RNF150: variants seen among roughly 807,000 people sequenced by gnomAD.
The protein encoded by RNF150 is ring finger protein 150.
A neutral mutation model predicts 39.3 loss-of-function variants in RNF150; 24 were observed. The ratio of observed to expected loss-of-function variants is 0.61; its 90% CI spans 0.44 to 0.86. RNF150 has a LOEUF of 0.86. Among genes scored for constraint, RNF150 ranks in the 40% least tolerant of loss-of-function variants. The pLI, the probability that RNF150 is intolerant of heterozygous loss-of-function variation, is 0.00. For synonymous variants in RNF150, 255 were observed against 227.3 expected, an observed-to-expected ratio of 1.12 and a Z score of -1.10; for missense variants, 502 against 587.8, an observed-to-expected ratio of 0.85 and a Z score of 1.51.
chr4:141,157,311 C>G (rs541767046), intron 1 of RNF150, among the ~76,000 whole-genome samples: 1 of 152,100 alleles, frequency 6.6e-6, no homozygotes. Context: ...ACTGCTGCAC[C>G]GAAGAAGATG....
At chr4:141,156,238 A>C (rs1348689218) in intron 1 of RNF150, among the ~76,000 whole-genome samples, 2 of 152,110 alleles carry the variant, frequency 1.3e-5, no homozygotes, top group East Asian at 3.9e-4. Context: ...TTTATTTCTC[A>C]TGTCTAAATT....
intron 1 of RNF150, among the ~76,000 whole-genome samples, chr4:141,086,027 TACACACACACACACACACACACACAC>T (rs10527153): frequency 5.0e-5 from 7 of 140,010 alleles, no homozygotes; most frequent in Non-Finnish European, 1.1e-4. Flanking sequence ...TGAGAAGAGT[TACACACACACACACACACACACACAC>T]ACACACACAC....
intron 1 of RNF150, among the ~76,000 whole-genome samples, chr4:141,063,838 T>C (rs1368346786): frequency 6.6e-6 from 1 of 152,170 alleles, no homozygotes; most frequent in East Asian, 1.9e-4. Context: ...GCAGGTTATG[T>C]GTGTGTTGGT....
intron 1 of RNF150, among the ~76,000 whole-genome samples, chr4:140,992,612 T>C (rs1455948230): frequency 6.6e-6 from 1 of 152,042 alleles, no homozygotes; most frequent in Non-Finnish European, 1.5e-5. Flanking sequence ...TCCTCTACCT[T>C]TAACCCTCAG....
At chr4:140,883,322 C>T (rs904579000) in intron 6 of RNF150, among the ~76,000 whole-genome samples, 3 of 152,072 alleles carry the variant, frequency 2.0e-5, no homozygotes, top group African/African-American at 7.2e-5. Context: ...TATGCACCAC[C>T]CTATCACAGT....
chr4:141,029,407 G>A (rs1050383002), intron 1 of RNF150, among the ~76,000 whole-genome samples: 34 of 152,248 alleles, frequency 2.2e-4, no homozygotes, highest in African/African-American at 5.5e-4. Context: ...TCCAACAGTC[G>A]TTCTGTATGT....
chr4:141,081,339 G>T lies in RNF150; in HGVS notation c.484+50986C>A, dbSNP rs141352962. On this transcript the variant is annotated intron_variant, in intron 1 of 6. Transcript: ENST00000515673. ...CACTCTAAGCAAAGAAAACACAGAA[G>T]AGAGCTTCTTATGCTACTGATAGAG... 4.9e-3 allele frequency among the ~76,000 whole-genome samples: 745 copies of T among 152,266 alleles called. 10 individuals are homozygous for T. Among genetic ancestry groups the T allele is most frequent in the African/African-American group, 0.017 (716 of 41,538 alleles).
chr4:141,078,744 C>A (rs1167781515), intron 1 of RNF150, among the ~76,000 whole-genome samples: 4 of 136,086 alleles, frequency 2.9e-5, no homozygotes, highest in South Asian at 2.3e-4. Flanking sequence ...GAGCCGAGAT[C>A]GTGCCACTGC....
At chr4:141,034,077 A>T (rs1358328909) in intron 1 of RNF150, among the ~76,000 whole-genome samples, 1 of 152,162 alleles carries the variant, frequency 6.6e-6, no homozygotes, top group African/African-American at 2.4e-5. Flanking sequence ...AAGGTCCTAG[A>T]TGGCACTTTC....
chr4:141,045,001 T>A (rs1298537236), intron 1 of RNF150, among the ~76,000 whole-genome samples: 1 of 152,238 alleles, frequency 6.6e-6, no homozygotes. Flanking sequence ...AAGCATTATG[T>A]CTTTTAACTT....
At chr4:140,872,373 C>T (rs532444728) in intron 6 of RNF150, among the ~76,000 whole-genome samples, 1 of 152,286 alleles carries the variant, frequency 6.6e-6, no homozygotes, top group Admixed American at 6.5e-5. Flanking sequence ...ATGAAAAATA[C>T]TCTTAGTCCA....
At chr4:140,985,361 T>C (rs950217757) in intron 1 of RNF150, among the ~76,000 whole-genome samples, 3 of 152,268 alleles carry the variant, frequency 2.0e-5, no homozygotes, top group Admixed American at 2.0e-4. Context: ...ACCACCAAAC[T>C]GCCTATCTGA....
In RNF150 at chr4:141,133,109, T is replaced by C. The variant is rs984990488; in HGVS notation, c.-301A>G. 1.2e-5 allele frequency: 4 copies of C among 334,964 alleles called. No individual in the cohort carries two copies. The highest frequency in any genetic ancestry group is 2.2e-5 in the Non-Finnish European group (4 of 181,296). 20.7% of individuals were successfully genotyped at this position (334,964 alleles called of 1,614,324 possible). ...GGAGGAGTCCTGCTGCCGAGCGTCCTGCTCCTTCGCCCGGCTTCGCCTTCT... is the reference window on the plus strand; with the variant it reads ...GGAGGAGTCCTGCTGCCGAGCGTCCCGCTCCTTCGCCCGGCTTCGCCTTCT... On this transcript the variant is annotated 5_prime_UTR_variant, in exon 1 of 7. Coordinates refer to ENST00000515673, the MANE Select transcript of RNF150 (RefSeq NM_020724.2).
At chr4:141,134,757 G>A (rs7689326), upstream of RNF150, among the ~76,000 whole-genome samples, 39 of 152,286 alleles carry the variant, frequency 2.6e-4, no homozygotes, top group African/African-American at 9.1e-4. Flanking sequence ...TTTTTATAGC[G>A]CTTACTGCCA....
intron 1 of RNF150, among the ~76,000 whole-genome samples, chr4:141,158,713 T>C (rs948158578): frequency 3.3e-4 from 51 of 152,254 alleles, no homozygotes; most frequent in African/African-American, 1.2e-3. Context: ...ATAGATAAGG[T>C]TCTTTCCTCA....
At chr4:140,932,284 A>G (rs1259012921) in intron 4 of RNF150, among the ~76,000 whole-genome samples, 2 of 152,236 alleles carry the variant, frequency 1.3e-5, no homozygotes, top group Non-Finnish European at 1.5e-5. Context: ...AAATTAATGA[A>G]CACTGACATT....
chr4:141,173,313 G>A (rs1727760948), intron 1 of RNF150, among the ~76,000 whole-genome samples: 1 of 152,160 alleles, frequency 6.6e-6, no homozygotes, highest in Non-Finnish European at 1.5e-5. Flanking sequence ...CTTTTATAAA[G>A]TTTTGATTAT....
chr4:141,072,151 C>G (rs1737729899), intron 1 of RNF150, among the ~76,000 whole-genome samples: 1 of 152,166 alleles, frequency 6.6e-6, no homozygotes, highest in Non-Finnish European at 1.5e-5. Flanking sequence ...TGCATGAGCA[C>G]TGAGGGCCTT....
At chr4:141,045,858 TATTA>T (rs1009372171) in intron 1 of RNF150, among the ~76,000 whole-genome samples, 1 of 152,182 alleles carries the variant, frequency 6.6e-6, no homozygotes, top group Non-Finnish European at 1.5e-5. Context: ...AACACATTCT[TATTA>T]ATTATTCTAA....
Sources: allele counts gnomAD v4.1 joint callset (sites outside exome capture counted in the v4.1 genomes callset), GRCh38; gene constraint gnomAD v4.1.1; transcripts MANE v1.5; gene names NCBI Gene and HGNC (gene_info 2026-07-23, HGNC 2026-07-21).